Variants in ANXA10 observed in about 807,000 individuals in gnomAD.
ANXA10 encodes annexin A10.
In ANXA10, 49 loss-of-function variants were observed where a neutral mutation model predicts 53.5. That is an observed-to-expected ratio of 0.92 (90% confidence interval 0.73 to 1.16). The LOEUF (loss-of-function observed/expected upper bound fraction) is 1.16, where lower values mean the gene tolerates loss of function less well. Ranked by LOEUF, ANXA10 falls within the 50% of genes most tolerant of loss-of-function variation. The pLI is 0.00. For missense variants in ANXA10, 393 were observed against 394.4 expected (o/e 1.00, Z 0.03); for synonymous variants, 131 against 128.9 (o/e 1.02, Z -0.11).
chr4:168,184,172 G>A (rs1404568787), intron 10 of ANXA10, among the ~76,000 whole-genome samples: 1 of 152,154 alleles, frequency 6.6e-6, no homozygotes, highest in Non-Finnish European at 1.5e-5. Context: ...TTCTTACCAG[G>A]AAGGACCACA....
chr4:168,166,306 C>A (rs1204727861), intron 6 of ANXA10, among the ~76,000 whole-genome samples: 1 of 152,104 alleles, frequency 6.6e-6, no homozygotes, highest in African/African-American at 2.4e-5. Context: ...AAAAGGAACA[C>A]TACTTCAAGT....
chr4:168,098,900 C>T (rs747700028), intron 1 of ANXA10, among the ~76,000 whole-genome samples: 1 of 152,040 alleles, frequency 6.6e-6, no homozygotes, highest in Non-Finnish European at 1.5e-5. Flanking sequence ...TGGGAATCAA[C>T]TTCACTCACA....
At chr4:168,138,725 G>T (rs1731279392) in intron 2 of ANXA10, among the ~76,000 whole-genome samples, 1 of 152,142 alleles carries the variant, frequency 6.6e-6, no homozygotes. Flanking sequence ...CAATTCATGA[G>T]CATGAAATAA....
At chr4:168,101,703 C>A (rs1388486320) in intron 1 of ANXA10, among the ~76,000 whole-genome samples, 2 of 152,004 alleles carry the variant, frequency 1.3e-5, no homozygotes, top group African/African-American at 2.4e-5. Flanking sequence ...TGTTTATATG[C>A]CCTCTTAAGA....
At chr4:168,167,774 C>A (rs1343052514) in intron 6 of ANXA10, among the ~76,000 whole-genome samples, 3 of 152,172 alleles carry the variant, frequency 2.0e-5, no homozygotes, top group African/African-American at 7.2e-5. Flanking sequence ...TTCTTTGCAT[C>A]CTTGCTCCCT....
At chr4:168,150,073 T>C (rs1342867601) in intron 3 of ANXA10, among the ~76,000 whole-genome samples, 1 of 152,178 alleles carries the variant, frequency 6.6e-6, no homozygotes, top group African/African-American at 2.4e-5. Context: ...TGCAGGATCG[T>C]CTCCAAGGTC....
Position 168,145,175 on chromosome 4 carries a change from C to T in ANXA10, c.195+5595C>T, listed in dbSNP as rs373151841. On this transcript the variant is annotated intron_variant, in intron 3 of 11. Transcript: ENST00000359299. ...GTGTTGCCAGCTAATCCACTGAGCA[C>T]GGGGTCTGCAAAATATCTCAAGCAC... Among the ~76,000 whole-genome samples the T allele has an allele frequency of 3.9e-5, 6 of 152,218 alleles. No homozygotes were observed. The South Asian group carries it at 6.2e-4, about 16-fold the overall frequency.
At chr4:168,172,157 C>T (rs548590829) in intron 6 of ANXA10, among the ~76,000 whole-genome samples, 9 of 152,240 alleles carry the variant, frequency 5.9e-5, no homozygotes, top group Non-Finnish European at 7.4e-5. Flanking sequence ...ACCATGTGGC[C>T]GTCTCAGGCC....
intron 3 of ANXA10, among the ~76,000 whole-genome samples, chr4:168,150,376 T>G (rs1731476741): frequency 6.6e-6 from 1 of 152,206 alleles, no homozygotes; most frequent in Non-Finnish European, 1.5e-5. Context: ...CACTGCAAAG[T>G]GACGAAGCAA....
At chr4:168,129,238 T>G (rs1454322584) in intron 2 of ANXA10, among the ~76,000 whole-genome samples, 1 of 152,156 alleles carries the variant, frequency 6.6e-6, no homozygotes, top group Non-Finnish European at 1.5e-5. Context: ...ATAGAGGACT[T>G]AAAATATGCT....
Position 168,107,678 on chromosome 4 carries a change from C to T in ANXA10, c.18+14960C>T, listed in dbSNP as rs1389395055. ...TCCAAGATCAAAGTGTCAGCAAATT[C>T]GGTGTCTGCGGAGGGCCCTCTTCCT... On this transcript the variant is annotated intron_variant, in intron 1 of 11. Transcript: ENST00000359299. Among the ~76,000 whole-genome samples, 3 of 152,118 alleles carry T rather than the reference C, an allele frequency of 2.0e-5. No individual in the cohort carries two copies. The East Asian group carries it at 5.8e-4, about 29-fold the overall frequency.
chr4:168,103,643 G>A (rs1014793747), intron 1 of ANXA10, among the ~76,000 whole-genome samples: 1 of 151,716 alleles, frequency 6.6e-6, no homozygotes, highest in Non-Finnish European at 1.5e-5. Flanking sequence ...GCTATTCTAG[G>A]TATTCTGCAT....
intron 1 of ANXA10, among the ~76,000 whole-genome samples, chr4:168,111,163 G>C (rs1170160215): frequency 6.6e-6 from 1 of 152,146 alleles, no homozygotes; most frequent in African/African-American, 2.4e-5. Context: ...CCATTTTGTA[G>C]AAATTGTTCT....
At chr4:168,139,815 C>A (rs1731298510) in intron 3 of ANXA10, among the ~76,000 whole-genome samples, 2 of 152,172 alleles carry the variant, frequency 1.3e-5, no homozygotes, top group African/African-American at 4.8e-5. Flanking sequence ...ACCACAAGTT[C>A]TTTCCCCAAA....
intron 3 of ANXA10, among the ~76,000 whole-genome samples, chr4:168,145,954 G>C (rs1731399734): frequency 6.6e-6 from 1 of 150,722 alleles, no homozygotes; most frequent in Admixed American, 6.6e-5. Flanking sequence ...ACAGAGTCTT[G>C]CTGTGTCACC....
At chr4:168,137,189 G>C (rs946162339) in intron 2 of ANXA10, among the ~76,000 whole-genome samples, 4 of 152,162 alleles carry the variant, frequency 2.6e-5, no homozygotes, top group Non-Finnish European at 5.9e-5. Flanking sequence ...AAAGGTCAAG[G>C]AGCCATTTTT....
intron 2 of ANXA10, among the ~76,000 whole-genome samples, chr4:168,138,563 G>C (rs1415036821): frequency 1.3e-5 from 2 of 152,204 alleles, no homozygotes; most frequent in East Asian, 3.9e-4. Context: ...GTAAGATTGC[G>C]TTGGCTATTC....
chr4:168,157,854 C>T (rs1731716362), intron 3 of ANXA10, among the ~76,000 whole-genome samples: 1 of 151,928 alleles, frequency 6.6e-6, no homozygotes, highest in South Asian at 2.1e-4. Flanking sequence ...TATTCATTCA[C>T]CTGTTGATGG....
chr4:168,179,843 A>C (rs1732205929), intron 9 of ANXA10, among the ~76,000 whole-genome samples: 1 of 152,228 alleles, frequency 6.6e-6, no homozygotes, highest in Non-Finnish European at 1.5e-5. Context: ...GTAAGAAATG[A>C]TATCCCTCCA....
Sources: gnomAD v4.1 joint callset for allele counts (sites outside exome capture counted in the v4.1 genomes callset) on GRCh38, gnomAD v4.1.1 for gene constraint, MANE v1.5 for transcripts, NCBI Gene and HGNC (gene_info 2026-07-23, HGNC 2026-07-21) for gene names.